Variants in RIN3 observed in about 807,000 individuals in gnomAD.
The protein encoded by RIN3 is Ras and Rab interactor 3.
In RIN3, 54 loss-of-function variants were observed where a neutral mutation model predicts 76.3. The observed-to-expected ratio is 0.71, with a 90% CI of 0.57 to 0.89. The LOEUF is 0.89. Ranked by LOEUF, RIN3 falls within the 40% of genes least tolerant of loss-of-function variation. The pLI, the probability that RIN3 is intolerant of heterozygous loss-of-function variation, is 0.00. For missense variants in RIN3, 1,256 were observed against 1,322.1 expected (o/e 0.95, Z 0.78); for synonymous variants, 576 against 564.0 (o/e 1.02, Z -0.30).
intron 7 of RIN3, among the ~76,000 whole-genome samples, chr14:92,672,361 G>A (rs991957571): frequency 5.9e-5 from 9 of 152,294 alleles, no homozygotes; most frequent in Middle Eastern, 6.8e-3. Flanking sequence ...GCGGTGAGCC[G>A]AGATCGTGCC....
At chr14:92,581,024 C>T (rs544755687) in intron 3 of RIN3, among the ~76,000 whole-genome samples, 7 of 152,278 alleles carry the variant, frequency 4.6e-5, no homozygotes, top group African/African-American at 1.7e-4. Context: ...TGAAGTCCAG[C>T]GGGGAAGAAA....
intron 8 of RIN3, 95 bp from the exon 9 acceptor site, chr14:92,684,892 C>A (rs1364733979): frequency 1.5e-6 from 2 of 1,313,288 alleles, no homozygotes; most frequent in South Asian, 1.3e-5. Context: ...AGGTGGTGGG[C>A]GGGGCTTGGA....
At chr14:92,680,707 C>T (rs12889109) in intron 8 of RIN3, among the ~76,000 whole-genome samples, 67,705 of 152,072 alleles carry the variant, frequency 0.45, 15,748 homozygotes, top group East Asian at 0.57. Context: ...TCCAGTGTTT[C>T]GTAGTTCAGG....
At chr14:92,578,504 C>T (rs982570836) in intron 3 of RIN3, among the ~76,000 whole-genome samples, 14 of 152,118 alleles carry the variant, frequency 9.2e-5, no homozygotes, top group African/African-American at 2.4e-4. Flanking sequence ...TTTATCAAGA[C>T]GGGAATTGCA....
chr14:92,519,771 G>A (rs1210926432), intron 1 of RIN3, among the ~76,000 whole-genome samples: 2 of 152,214 alleles, frequency 1.3e-5, no homozygotes, highest in African/African-American at 2.4e-5. Context: ...GTGTAGTACA[G>A]CGAAGCCAGT....
intron 3 of RIN3, among the ~76,000 whole-genome samples, chr14:92,597,776 C>T (rs1885202148): frequency 6.6e-6 from 1 of 152,222 alleles, no homozygotes; most frequent in Admixed American, 6.5e-5. Flanking sequence ...GAAGCCCGCT[C>T]TGTGTAGCCC....
intron 3 of RIN3, among the ~76,000 whole-genome samples, chr14:92,578,536 C>T (rs571001528): frequency 6.6e-6 from 1 of 152,326 alleles, no homozygotes; most frequent in African/African-American, 2.4e-5. Context: ...GTTTGATGTA[C>T]ATAAAGCCAA....
intron 3 of RIN3, among the ~76,000 whole-genome samples, chr14:92,595,527 CT>C (rs142969768): frequency 0.061 from 9,239 of 152,250 alleles, 340 homozygotes; most frequent in South Asian, 0.096. Context: ...CTGAACCCAC[CT>C]CCCAGATTTG....
intron 1 of RIN3, among the ~76,000 whole-genome samples, chr14:92,544,299 C>G (rs1353973981): frequency 6.6e-6 from 1 of 151,928 alleles, no homozygotes; most frequent in Non-Finnish European, 1.5e-5. Context: ...GCACTCTTCC[C>G]GCCTACATCT....
intron 3 of RIN3, among the ~76,000 whole-genome samples, chr14:92,578,281 T>C (rs61975775): frequency 0.063 from 9,525 of 151,182 alleles, 394 homozygotes; most frequent in South Asian, 0.13. Context: ...ACAAAAATCC[T>C]GTGTGTGCAT....
chr14:92,680,367 T>C (rs914883555), intron 8 of RIN3, among the ~76,000 whole-genome samples: 1 of 152,030 alleles, frequency 6.6e-6, no homozygotes, highest in Non-Finnish European at 1.5e-5. Flanking sequence ...ACCTGGCTAA[T>C]TTTTGTATTT....
At chr14:92,580,655 C>A (rs147148338) in intron 3 of RIN3, among the ~76,000 whole-genome samples, 1 of 152,378 alleles carries the variant, frequency 6.6e-6, no homozygotes, top group Non-Finnish European at 1.5e-5. Context: ...GGGGAAGGAA[C>A]AGGGACCCCA....
intron 4 of RIN3, among the ~76,000 whole-genome samples, chr14:92,616,279 C>G (rs1194264886): frequency 1.3e-5 from 2 of 152,212 alleles, no homozygotes; most frequent in African/African-American, 4.8e-5. Context: ...AAGTACACTC[C>G]ACACGGTGGG....
rs567406285 is a variant in RIN3, at chr14:92,645,727, G to A, written c.532+4398G>A. Among the ~76,000 whole-genome samples, 14 of 152,300 alleles carry A rather than the reference G, an allele frequency of 9.2e-5. 1 individual carries two copies. The highest frequency in any genetic ancestry group is 3.9e-4 in the Admixed American group (6 of 15,298). ...TCCCAGAACTGTGGGAGGCCAAGGC[G>A]GGCGGATCATGAGGTCAGGAGTTCA... is the stretch of plus-strand genomic sequence containing the variant. On this transcript the variant is annotated intron_variant, in intron 5 of 9. Transcript: ENST00000216487.
intron 7 of RIN3, among the ~76,000 whole-genome samples, chr14:92,659,694 C>A (rs917432734): frequency 6.6e-6 from 1 of 152,218 alleles, no homozygotes; most frequent in Non-Finnish European, 1.5e-5. Flanking sequence ...TGGAGGCAAG[C>A]AAGGAAGCCA....
At chr14:92,649,490 G>T (rs1403192353) in intron 5 of RIN3, among the ~76,000 whole-genome samples, 1 of 152,116 alleles carries the variant, frequency 6.6e-6, no homozygotes, top group East Asian at 1.9e-4. Flanking sequence ...CCAGGGTCCT[G>T]TGTAGACATG....
intron 4 of RIN3, among the ~76,000 whole-genome samples, chr14:92,636,920 A>G (rs1333754388): frequency 6.6e-6 from 1 of 151,966 alleles, no homozygotes; most frequent in Non-Finnish European, 1.5e-5. Context: ...AAATAGTAAA[A>G]TAAATGGTGT....
intron 7 of RIN3, among the ~76,000 whole-genome samples, chr14:92,672,735 C>T (rs532653952): frequency 2.6e-5 from 4 of 151,668 alleles, no homozygotes; most frequent in Non-Finnish European, 5.9e-5. Context: ...AGTATATTTG[C>T]AAGGTCATAC....
chr14:92,541,742 T>C (rs978612437), intron 1 of RIN3, among the ~76,000 whole-genome samples: 4 of 152,222 alleles, frequency 2.6e-5, no homozygotes, highest in South Asian at 4.1e-4. Flanking sequence ...TTCTTAGGTA[T>C]GACACCAAAA....
Sources: allele counts gnomAD v4.1 joint callset (sites outside exome capture counted in the v4.1 genomes callset), GRCh38; gene constraint gnomAD v4.1.1; transcripts MANE v1.5; gene names NCBI Gene and HGNC (gene_info 2026-07-23, HGNC 2026-07-21).